FAT3: variants seen among roughly 807,000 people sequenced by gnomAD.
The protein encoded by FAT3 is protocadherin Fat 3.
A neutral mutation model predicts 310.2 loss-of-function variants in FAT3; 95 were observed. The observed-to-expected ratio is 0.31, with a 90% confidence interval of 0.26 to 0.36. The LOEUF is 0.36. FAT3 is among the 10% of genes least tolerant of loss of function. FAT3 has a pLI of 1.00. For synonymous variants in FAT3, 2,314 were observed against 2,192.9 expected (o/e 1.06, Z -1.54); for missense variants, 5,408 against 5,715.6 (o/e 0.95, Z 1.74).
intron 5 of FAT3, 73 bp from the exon 6 acceptor site, chr11:92,764,806 A>C: frequency 7.1e-7 from 1 of 1,411,892 alleles, no homozygotes. Flanking sequence ...GCCCAGCAAC[A>C]TGAGTGACAG....
chr11:92,533,358 T>C lies in FAT3; in HGVS notation c.3607+8410T>C, dbSNP rs1304885964. On this transcript the variant is annotated intron_variant, in intron 3 of 27. Transcript: ENST00000525166. ...TGCTGGATCCCCATCTTCCAGTACG[T>C]CATAGGATTTTGAAGCCTTGGGCTA... Among the ~76,000 whole-genome samples, 4 of 152,208 alleles carry C rather than the reference T, an allele frequency of 2.6e-5. No homozygotes were observed. In the South Asian group the frequency reaches 8.3e-4, roughly 32 times the overall value.
intron 3 of FAT3, among the ~76,000 whole-genome samples, chr11:92,546,342 C>T (rs1488644253): frequency 6.6e-6 from 1 of 152,164 alleles, no homozygotes; most frequent in Admixed American, 6.5e-5. Flanking sequence ...CTAAGGAAAA[C>T]AGTGTTTCAT....
intron 3 of FAT3, among the ~76,000 whole-genome samples, chr11:92,608,073 G>A (rs568760997): frequency 1.3e-5 from 2 of 151,986 alleles, no homozygotes; most frequent in South Asian, 4.2e-4. Context: ...GTTTAAGTAT[G>A]TTCAGGAAAT....
chr11:92,271,629 A>G (rs148998428), intron 1 of FAT3, among the ~76,000 whole-genome samples: 43 of 152,320 alleles, frequency 2.8e-4, no homozygotes, highest in African/African-American at 1.0e-3. Context: ...TGCTTGCAAC[A>G]TAGTTGTTGC....
chr11:92,804,154 G>A (rs969938005), intron 10 of FAT3, among the ~76,000 whole-genome samples: 1 of 152,162 alleles, frequency 6.6e-6, no homozygotes, highest in Admixed American at 6.5e-5. Context: ...TGTGATCTCT[G>A]CTGAGACAGC....
intron 7 of FAT3, among the ~76,000 whole-genome samples, chr11:92,782,938 GA>G (rs1946791320): frequency 6.6e-6 from 1 of 152,210 alleles, no homozygotes; most frequent in East Asian, 1.9e-4. Context: ...TAAAAGTGGA[GA>G]AGAAACAAAT....
intron 3 of FAT3, among the ~76,000 whole-genome samples, chr11:92,577,544 A>G (rs1359546620): frequency 1.3e-5 from 2 of 152,156 alleles, no homozygotes. Flanking sequence ...CTTCACCTGA[A>G]ATGTTTATCA....
Position 92,801,573 on chromosome 11 carries a change from C to T in FAT3, c.8560C>T (p.His2854Tyr), listed in dbSNP as rs1200996063. 3 of 1,609,022 alleles carry T rather than the reference C, an allele frequency of 1.9e-6. No individual in the cohort carries two copies. The highest frequency in any genetic ancestry group is 2.5e-6 in the Non-Finnish European group (3 of 1,177,580). ...GANGQVTYSL[H>Y]SDSQPEKVME... Reference sequence around the variant, plus strand: ...CAATGGACAAGTCACTTACTCCCTCCACTCGGATTCCCAGCCCGAAAAGGT... The same window carrying T: ...CAATGGACAAGTCACTTACTCCCTCTACTCGGATTCCCAGCCCGAAAAGGT... Residue 2854 changes from histidine to tyrosine, a missense_variant, in exon 10 of 28, where the codon CAC (histidine) becomes TAC (tyrosine). Physicochemically the swap from His to Tyr is moderately conservative, Grantham distance 83 (BLOSUM62 2). Around this residue, in one of 5 missense-constraint regions of FAT3, gnomAD observed 4,588 missense variants for 4,809.8 expected, o/e 0.95. Transcript: ENST00000525166.
At chr11:92,593,842 G>A (rs1292334653) in intron 3 of FAT3, among the ~76,000 whole-genome samples, 1 of 152,072 alleles carries the variant, frequency 6.6e-6, no homozygotes, top group Admixed American at 6.5e-5. Flanking sequence ...AAAGTCTATT[G>A]AAACAAAAAA....
At chr11:92,623,139 T>C (rs1160171848) in intron 3 of FAT3, among the ~76,000 whole-genome samples, 1 of 152,302 alleles carries the variant, frequency 6.6e-6, no homozygotes, top group East Asian at 1.9e-4. Context: ...ATGCAAACAC[T>C]TTCTATCATG....
chr11:92,836,802 T>C, intron 16 of FAT3, 99 bp downstream of exon 16: 1 of 1,373,914 alleles, frequency 7.3e-7, no homozygotes. Context: ...AGTTCTCCAT[T>C]CTAAGTAATG....
At chr11:92,226,107 A>G (rs1284375645) in intron 1 of FAT3, among the ~76,000 whole-genome samples, 1 of 152,026 alleles carries the variant, frequency 6.6e-6, no homozygotes, top group African/African-American at 2.4e-5. Flanking sequence ...GGGCAAGTGT[A>G]GGGGGCTGAG....
intron 2 of FAT3, among the ~76,000 whole-genome samples, chr11:92,476,132 G>C (rs143976666): frequency 6.6e-6 from 1 of 151,968 alleles, no homozygotes; most frequent in East Asian, 1.9e-4. Flanking sequence ...GAGTGTCAGG[G>C]CTGGGTGGGT....
At chr11:92,233,583 T>C (rs954599762) in intron 1 of FAT3, among the ~76,000 whole-genome samples, 1 of 152,200 alleles carries the variant, frequency 6.6e-6, no homozygotes. Context: ...AGTCGTAATG[T>C]ATGTGTGATC....
At chr11:92,638,294 G>A (rs560738668) in intron 3 of FAT3, among the ~76,000 whole-genome samples, 11 of 152,260 alleles carry the variant, frequency 7.2e-5, no homozygotes, top group East Asian at 3.9e-4. Context: ...TCTATTGAAC[G>A]TGATCTTGAA....
At chr11:92,432,323 G>T (rs1251734506) in intron 2 of FAT3, among the ~76,000 whole-genome samples, 1 of 152,144 alleles carries the variant, frequency 6.6e-6, no homozygotes, top group African/African-American at 2.4e-5. Context: ...AAGAATGCTT[G>T]TGATTTTTGC....
chr11:92,867,305 A>T, intron 22 of FAT3, 96 bp downstream of exon 22: 1 of 1,253,364 alleles, frequency 8.0e-7, no homozygotes, highest in Non-Finnish European at 1.1e-6. Context: ...CAAGGACTCT[A>T]CTAGAGAGGA....
At chr11:92,517,691 A>G (rs574763817) in intron 2 of FAT3, among the ~76,000 whole-genome samples, 101 of 152,334 alleles carry the variant, frequency 6.6e-4, no homozygotes, top group Middle Eastern at 6.8e-3. Flanking sequence ...CAGGCAACCT[A>G]TAGAATGGGA....
intron 2 of FAT3, among the ~76,000 whole-genome samples, chr11:92,372,618 G>A (rs945871520): frequency 1.9e-4 from 29 of 151,846 alleles, no homozygotes; most frequent in African/African-American, 7.0e-4. Flanking sequence ...ACTACAAAGA[G>A]GAAAAGTAGC....
Sources: gnomAD v4.1 joint callset for allele counts (sites outside exome capture counted in the v4.1 genomes callset) on GRCh38, gnomAD v4.1.1 for gene constraint, gnomAD v4.1.1 regional missense constraint, MANE v1.5 for transcripts, NCBI Gene and HGNC (gene_info 2026-07-23, HGNC 2026-07-21) for gene names.